The following OSTN variants were observed in gnomAD, a reference collection of about 807,000 sequenced individuals.
OSTN encodes the protein osteocrin.
In OSTN, 9 loss-of-function variants were observed where a neutral mutation model predicts 12.0. The ratio of observed to expected loss-of-function variants is 0.75; its 90% CI spans 0.45 to 1.30. The LOEUF (loss-of-function observed/expected upper bound fraction) is 1.30, where lower values mean the gene tolerates loss of function less well. OSTN is among the 50% of genes most tolerant of loss of function. The probability of loss-of-function intolerance (pLI) is 0.00; values close to 1 mark genes in which losing one functional copy is unlikely to be tolerated. For synonymous variants in OSTN, 59 were observed against 56.9 expected (o/e 1.04, Z -0.16); for missense variants, 148 against 152.3 (o/e 0.97, Z 0.15).
intron 1 of OSTN, among the ~76,000 whole-genome samples, chr3:191,210,593 A>G (rs548770447): frequency 6.6e-6 from 1 of 152,350 alleles, no homozygotes; most frequent in African/African-American, 2.4e-5. Flanking sequence ...AAGCTTAAGT[A>G]GGGTAAAATG....
chr3:191,217,564 G>A (rs1714648356), intron 2 of OSTN, among the ~76,000 whole-genome samples: 1 of 152,182 alleles, frequency 6.6e-6, no homozygotes, highest in Non-Finnish European at 1.5e-5. Flanking sequence ...AATGACTCAA[G>A]ATTGTTAATA....
In OSTN at chr3:191,201,091, T is replaced by C. The variant is rs150219596; in HGVS notation, c.-1+1784T>C. Among the ~76,000 whole-genome samples the C allele has an allele frequency of 3.3e-3, 507 of 152,262 alleles. 2 individuals are homozygous for C. Among genetic ancestry groups the C allele is most frequent in the South Asian group, 9.5e-3 (46 of 4,826 alleles). ...AAGATCTCTCAGATTAAAGGCTTCA[T>C]TTTTTATTTATTTATTTATTTTTTT... On this transcript the variant is annotated intron_variant, in intron 1 of 4. Coordinates refer to ENST00000682035, the MANE Select transcript of OSTN (RefSeq NM_198184.2).
chr3:191,258,660 A>T (rs901694453), intron 4 of OSTN, among the ~76,000 whole-genome samples: 48 of 71,716 alleles, frequency 6.7e-4, no homozygotes, highest in African/African-American at 1.8e-3. Context: ...AAGTATAATT[A>T]AAAAAAAAAA....
At chr3:191,209,282 A>G (rs1714360878) in intron 1 of OSTN, among the ~76,000 whole-genome samples, 1 of 152,244 alleles carries the variant, frequency 6.6e-6, no homozygotes, top group Admixed American at 6.5e-5. Flanking sequence ...GGAGAAAAAG[A>G]ATACAATTAA....
chr3:191,229,243 C>T (rs1714989266), intron 3 of OSTN, among the ~76,000 whole-genome samples: 1 of 152,166 alleles, frequency 6.6e-6, no homozygotes, highest in Non-Finnish European at 1.5e-5. Context: ...GATTTATTAA[C>T]CAGTTAAAAT....
chr3:191,221,093 C>G (rs1048649015), intron 3 of OSTN, among the ~76,000 whole-genome samples: 5 of 152,090 alleles, frequency 3.3e-5, no homozygotes, highest in Admixed American at 2.6e-4. Flanking sequence ...TTATAAGAGG[C>G]GTTCTCCCTT....
chr3:191,216,085 T>C (rs550737613), intron 2 of OSTN, among the ~76,000 whole-genome samples: 1 of 152,148 alleles, frequency 6.6e-6, no homozygotes, highest in African/African-American at 2.4e-5. Context: ...AAGGCAGAGG[T>C]CCCCCAAACT....
At chr3:191,254,925 G>T (rs1487617282) in intron 4 of OSTN, among the ~76,000 whole-genome samples, 1 of 152,110 alleles carries the variant, frequency 6.6e-6, no homozygotes, top group Non-Finnish European at 1.5e-5. Context: ...TATGAATTTG[G>T]GTGAATTTCT....
chr3:191,237,144 T>C (rs1329372843), intron 3 of OSTN, among the ~76,000 whole-genome samples: 2 of 152,282 alleles, frequency 1.3e-5, no homozygotes, highest in African/African-American at 2.4e-5. Context: ...TAAGTAAATC[T>C]AGGTTTTACA....
At chr3:191,219,083 G>T (rs1714698139) in intron 3 of OSTN, 122 bp downstream of exon 3, 2 of 867,636 alleles carry the variant, frequency 2.3e-6, no homozygotes, top group Non-Finnish European at 3.5e-6. Context: ...AGATTTGACG[G>T]TATGTTAGCT....
chr3:191,260,066 G>A (rs933472993), intron 4 of OSTN, among the ~76,000 whole-genome samples: 1 of 151,658 alleles, frequency 6.6e-6, no homozygotes, highest in Non-Finnish European at 1.5e-5. Context: ...AGGCCAGGAT[G>A]GTCTCGATCT....
chr3:191,216,870 G>A (rs1714625735), intron 2 of OSTN, among the ~76,000 whole-genome samples: 2 of 152,128 alleles, frequency 1.3e-5, no homozygotes, highest in African/African-American at 4.8e-5. Flanking sequence ...ACGTCCTCCT[G>A]TCTTCTTCTG....
intron 3 of OSTN, among the ~76,000 whole-genome samples, chr3:191,221,897 G>A (rs570731794): frequency 6.6e-6 from 1 of 152,300 alleles, no homozygotes; most frequent in South Asian, 2.1e-4. Context: ...ATGGTTTCTT[G>A]GGCCAGGTCC....
At position 191,257,946 on chromosome 3, in the gene OSTN, A is replaced by G. The variant is rs552574596; in HGVS notation, c.*13-4920A>G. ...TGTATAGAGAGACACAAGGTATAGC[A>G]TACACATCTGCACATGAAGACTTTA... On this transcript the variant is annotated intron_variant, in intron 4 of 4. Coordinates refer to ENST00000682035, the MANE Select transcript of OSTN (RefSeq NM_198184.2). Among the ~76,000 whole-genome samples the G allele has an allele frequency of 2.9e-4, 44 of 152,344 alleles. 1 individual carries two copies. In the South Asian group the frequency reaches 8.9e-3, roughly 31 times the overall value.
chr3:191,262,376 AAATT>A (rs1715831707), intron 4 of OSTN, among the ~76,000 whole-genome samples: 1 of 152,236 alleles, frequency 6.6e-6, no homozygotes, highest in South Asian at 2.1e-4. Context: ...TCATTCAAAT[AAATT>A]AATATAACTC....
chr3:191,226,389 T>C (rs1479365615), intron 3 of OSTN, among the ~76,000 whole-genome samples: 2 of 152,200 alleles, frequency 1.3e-5, no homozygotes, highest in African/African-American at 4.8e-5. Context: ...AAACACTTTT[T>C]AAACATGATG....
rs1035840243 is a variant in OSTN, at chr3:191,250,113, A to G, written c.394A>G (p.Arg132Gly). 1.2e-6 allele frequency: 2 copies of G among 1,609,716 alleles called. No individual in the cohort carries two copies. Among genetic ancestry groups the G allele is most frequent in the East Asian group, 2.2e-5 (1 of 44,836 alleles). ...RIGRNRLSNSRG is the reference protein window; with the variant it reads ...RIGRNRLSNSGG ...TGGTAGAAACCGGCTTTCAAATTCC[A>G]GAGGCTAATTGATTCCAATTGTGAG... Residue 132 changes from arginine to glycine, a missense_variant, in exon 4 of 5, where the codon AGA becomes GGA. Physicochemically the swap from Arg to Gly is moderately radical, Grantham distance 125 (BLOSUM62 -2). Coordinates refer to ENST00000682035, the MANE Select transcript of OSTN (RefSeq NM_198184.2).
intron 3 of OSTN, among the ~76,000 whole-genome samples, chr3:191,227,078 A>G (rs542799049): frequency 6.9e-4 from 105 of 152,276 alleles, no homozygotes; most frequent in Non-Finnish European, 1.4e-3. Context: ...TCAAAGAATA[A>G]ACTGGAAAAA....
chr3:191,205,658 T>C (rs895992140), intron 1 of OSTN, among the ~76,000 whole-genome samples: 5 of 151,862 alleles, frequency 3.3e-5, no homozygotes, highest in Admixed American at 3.3e-4. Flanking sequence ...TGCAGGAGAG[T>C]AGTACTCAAT....
Sources: gnomAD v4.1 joint callset for allele counts (sites outside exome capture counted in the v4.1 genomes callset) on GRCh38, gnomAD v4.1.1 for gene constraint, MANE v1.5 for transcripts, NCBI Gene and HGNC (gene_info 2026-07-23, HGNC 2026-07-21) for gene names.